MYO5B: variants seen among roughly 807,000 people sequenced by gnomAD.
MYO5B encodes the protein myosin VB.
MYO5B carries 143 observed loss-of-function variants against 229.3 expected under a neutral mutation model. The ratio of observed to expected loss-of-function variants is 0.62; its 90% CI spans 0.54 to 0.72. The LOEUF (loss-of-function observed/expected upper bound fraction) is 0.72, where lower values mean the gene tolerates loss of function less well. Ranked by LOEUF, MYO5B falls within the 30% of genes least tolerant of loss-of-function variation. The pLI is 0.00. For synonymous variants in MYO5B, 918 were observed against 885.2 expected (o/e 1.04, Z -0.66); for missense variants, 2,321 against 2,331.0 (o/e 1.00, Z 0.09).
chr18:50,046,816 C>T (rs2030240981), intron 2 of MYO5B, among the ~76,000 whole-genome samples: 1 of 152,128 alleles, frequency 6.6e-6, no homozygotes, highest in Non-Finnish European at 1.5e-5. Flanking sequence ...TTTGACAAAC[C>T]TGACAAAAAC....
chr18:50,070,461 T>C (rs73446629), intron 1 of MYO5B, among the ~76,000 whole-genome samples: 16,133 of 151,898 alleles, frequency 0.11, 1,684 homozygotes, highest in African/African-American at 0.27. Context: ...GCAATGTCTT[T>C]AGACATTTTT....
At chr18:49,911,294 G>A (rs1283112609) in intron 18 of MYO5B, among the ~76,000 whole-genome samples, 1 of 152,206 alleles carries the variant, frequency 6.6e-6, no homozygotes, top group East Asian at 1.9e-4. Flanking sequence ...CAAGCAAGCT[G>A]TACAAAGAAT....
At chr18:50,131,286 C>T (rs373564464) in intron 1 of MYO5B, among the ~76,000 whole-genome samples, 29 of 152,344 alleles carry the variant, frequency 1.9e-4, no homozygotes, top group Middle Eastern at 3.4e-3. Context: ...AACTCACTGG[C>T]CTTTTGTTGC....
chr18:49,837,046 T>G (rs1404210956), intron 37 of MYO5B, among the ~76,000 whole-genome samples, 161 bp from the exon 38 acceptor site: 1 of 152,180 alleles, frequency 6.6e-6, no homozygotes, highest in Non-Finnish European at 1.5e-5. Flanking sequence ...AACTATTTGT[T>G]GAATAAAGAA....
At position 49,953,142 on chromosome 18, in the gene MYO5B, G is replaced by A; in HGVS notation, c.1752+118C>T. On this transcript the variant is annotated intron_variant, in intron 14 of 39. Coordinates refer to ENST00000285039, the MANE Select transcript of MYO5B (RefSeq NM_001080467.3). ...TACCGAAATGACCAACAAACCCGTTGGCCTCCTCCCTGCCCAGCATCTCTG... is the reference window on the plus strand; with the variant it reads ...TACCGAAATGACCAACAAACCCGTTAGCCTCCTCCCTGCCCAGCATCTCTG... The A allele has an allele frequency of 3.4e-6, 3 of 878,972 alleles. No homozygotes were observed. In the South Asian group the frequency reaches 4.1e-5, roughly 12 times the overall value. The allele number at this position is 878,972 out of a possible 1,614,324, so 54.4% of individuals were successfully genotyped here. A position where few individuals can be genotyped will look rare whatever the true frequency, so the allele number is the denominator to read the frequency against.
intron 18 of MYO5B, among the ~76,000 whole-genome samples, chr18:49,910,488 C>T (rs1227303784): frequency 6.6e-6 from 1 of 151,790 alleles, no homozygotes; most frequent in African/African-American, 2.4e-5. Context: ...GATAGGTGGA[C>T]CACAGCAAAA....
intron 1 of MYO5B, among the ~76,000 whole-genome samples, chr18:50,068,694 G>T (rs2030881241): frequency 3.3e-5 from 5 of 152,224 alleles, no homozygotes; most frequent in Admixed American, 2.6e-4. Flanking sequence ...TGGTGTGAAA[G>T]AAGAAGTGTG....
In MYO5B at chr18:50,039,896, C is replaced by T. The variant is rs557286420; in HGVS notation, c.310+247G>A. On this transcript the variant is annotated intron_variant, in intron 3 of 39. Transcript: ENST00000285039. The stretch of plus-strand genomic sequence containing the variant: ...CCAGGACTCCAAGGACTGAGCTAAG[C>T]CAGTCGCACCACATGGTGTGACCCA... Among the ~76,000 whole-genome samples the T allele has an allele frequency of 1.9e-3, 283 of 152,272 alleles. 1 individual carries two copies. The highest frequency in any genetic ancestry group is 6.8e-3 in the Middle Eastern group (2 of 294).
intron 1 of MYO5B, among the ~76,000 whole-genome samples, chr18:50,165,362 G>A (rs1485063906): frequency 1.3e-5 from 2 of 152,036 alleles, no homozygotes; most frequent in Non-Finnish European, 2.9e-5. Flanking sequence ...AGATGCCTAT[G>A]GTCCCAGCTA....
chr18:50,178,056 C>T (rs1226934914), intron 1 of MYO5B, among the ~76,000 whole-genome samples: 3 of 152,208 alleles, frequency 2.0e-5, no homozygotes, highest in Non-Finnish European at 4.4e-5. Context: ...TTACACCCGG[C>T]ACCATGCTAA....
intron 4 of MYO5B, among the ~76,000 whole-genome samples, chr18:50,015,325 T>A (rs1253702936): frequency 6.6e-6 from 1 of 152,222 alleles, no homozygotes. Context: ...CTGTTTTATT[T>A]GACCACTCCT....
Position 50,087,724 on chromosome 18 carries a change from T to C in MYO5B, c.28-32346A>G, listed in dbSNP as rs558774982. On this transcript the variant is annotated intron_variant, in intron 1 of 39. Transcript: ENST00000285039. Reference sequence around the variant, plus strand: ...AGCAACAAGAGGCCCAGGTGTCTCCTAGGTAGGGCTGTGTCATGAAGCCCA... The same window carrying C: ...AGCAACAAGAGGCCCAGGTGTCTCCCAGGTAGGGCTGTGTCATGAAGCCCA... Among the ~76,000 whole-genome samples, 27 of 152,292 alleles carry C rather than the reference T, an allele frequency of 1.8e-4. No homozygotes were observed. The South Asian group carries it at 5.6e-3, about 32-fold the overall frequency.
intron 14 of MYO5B, among the ~76,000 whole-genome samples, chr18:49,945,799 T>G (rs1263643003): frequency 1.3e-5 from 2 of 151,500 alleles, no homozygotes; most frequent in Non-Finnish European, 2.9e-5. Context: ...GGGGGCTCCA[T>G]GGACCAGGGC....
intron 1 of MYO5B, among the ~76,000 whole-genome samples, chr18:50,144,127 C>T (rs2032462703): frequency 6.6e-6 from 1 of 152,102 alleles, no homozygotes; most frequent in South Asian, 2.1e-4. Flanking sequence ...ACCACTTCTG[C>T]CCCACCCCCC....
chr18:50,037,427 A>T (rs1047687507), intron 3 of MYO5B, among the ~76,000 whole-genome samples: 1 of 152,204 alleles, frequency 6.6e-6, no homozygotes, highest in Admixed American at 6.5e-5. Flanking sequence ...TCTTAACTAA[A>T]ATACAAATAA....
At chr18:50,149,831 T>C (rs1010774161) in intron 1 of MYO5B, among the ~76,000 whole-genome samples, 1 of 151,776 alleles carries the variant, frequency 6.6e-6, no homozygotes, top group Non-Finnish European at 1.5e-5. Context: ...AATTGACAAA[T>C]GGGATCTAAT....
chr18:49,918,479 C>T (rs1014044860), intron 17 of MYO5B, among the ~76,000 whole-genome samples: 10 of 152,330 alleles, frequency 6.6e-5, no homozygotes, highest in South Asian at 2.1e-4. Context: ...AGAGCTCTTC[C>T]GGTCAGAATT....
At position 49,937,505 on chromosome 18, in the gene MYO5B, C is replaced by T. The variant is rs937783193; in HGVS notation, c.1753-108G>A. The T allele has an allele frequency of 5.4e-6, 7 of 1,297,948 alleles. No individual in the cohort carries two copies. The East Asian group carries it at 1.5e-4, about 28-fold the overall frequency. The allele number at this position is 1,297,948 out of a possible 1,614,324, so 80.4% of individuals were successfully genotyped here. On this transcript the variant is annotated intron_variant, in intron 14 of 39. Coordinates refer to ENST00000285039, the MANE Select transcript of MYO5B (RefSeq NM_001080467.3). ...TACCTGAGAACGGAAAACACACATC[C>T]ACGCCAAAACCCACACACCAACCTG...
At position 49,853,578 on chromosome 18, in the gene MYO5B, C is replaced by T. The variant is rs371355202; in HGVS notation, c.4092G>A (p.Gln1364=). 6 of 1,614,070 alleles carry T rather than the reference C, an allele frequency of 3.7e-6. No individual in the cohort carries two copies. The highest frequency in any genetic ancestry group is 1.7e-5 in the Admixed American group (1 of 60,012). ...CCATCTCCTCCTTCAGGGCCTCGAG[C>T]TGAGCCTTGAGATGCTCCACCTCCT... is the stretch of plus-strand genomic sequence containing the variant. The part of the protein sequence containing the change: ...HEEEVEHLKA[Q]LEALKEEMDK... The change falls in exon 31 of 40, where the codon CAG becomes CAA. Residue 1364 remains glutamine, a synonymous_variant. Transcript: ENST00000285039.
Sources: gnomAD v4.1 joint callset for allele counts (sites outside exome capture counted in the v4.1 genomes callset) on GRCh38, gnomAD v4.1.1 for gene constraint, MANE v1.5 for transcripts, NCBI Gene and HGNC (gene_info 2026-07-23, HGNC 2026-07-21) for gene names.